The following DMXL1 variants were observed in gnomAD, a reference collection of about 807,000 sequenced individuals.
DMXL1 encodes the protein Dmx like 1.
Under a neutral mutation model 319.2 loss-of-function variants are expected in DMXL1, and 99 were observed. The observed-to-expected ratio is 0.31, with a 90% confidence interval of 0.26 to 0.37. DMXL1 has a LOEUF of 0.37. Among genes scored for constraint, DMXL1 ranks in the 10% least tolerant of loss-of-function variants. The pLI is 1.00. For missense variants in DMXL1, 3,745 were observed against 3,595.6 expected, an observed-to-expected ratio of 1.04 and a Z score of -1.06; for synonymous variants, 1,385 against 1,235.2, an observed-to-expected ratio of 1.12 and a Z score of -2.54.
chr5:119,100,470 C>T (rs1163180316), intron 2 of DMXL1: 3 of 151,714 alleles, frequency 2.0e-5, no homozygotes, highest in African/African-American at 7.2e-5. Context: ...ATGTCATAGG[C>T]ACCTGTATTT....
At chr5:119,177,253 A>G in intron 26 of DMXL1, 104 bp from the exon 27 acceptor site, 1 of 676,658 alleles carries the variant, frequency 1.5e-6, no homozygotes, top group Non-Finnish European at 2.3e-6. Flanking sequence ...ATGTACTAGC[A>G]GTATAATTAA....
intron 25 of DMXL1, among the ~76,000 whole-genome samples, chr5:119,174,013 G>C (rs1042175173): frequency 7.9e-5 from 12 of 151,716 alleles, no homozygotes; most frequent in African/African-American, 2.9e-4. Flanking sequence ...TTTAGTTCAA[G>C]TCTGAAGACA....
chr5:119,156,357 A>G (rs1771057999), intron 19 of DMXL1, among the ~76,000 whole-genome samples: 1 of 152,272 alleles, frequency 6.6e-6, no homozygotes, highest in Admixed American at 6.5e-5. Flanking sequence ...ATGTAACCAT[A>G]GCTTGTATAT....
Position 119,218,556 on chromosome 5 carries a change from A to C in DMXL1, c.8013+1569A>C, listed in dbSNP as rs560021663. 2.6e-5 allele frequency among the ~76,000 whole-genome samples: 4 copies of C among 152,264 alleles called. No individual in the cohort carries two copies. In the South Asian group the frequency reaches 8.3e-4, roughly 32 times the overall value. ...ACTGCAACCTCTGCCTCCCGGGTTC[A>C]AGCGATTCTCCTGCCTCAGCCTCCC... On this transcript the variant is annotated intron_variant, in intron 35 of 43. Coordinates refer to ENST00000539542, the MANE Select transcript of DMXL1 (RefSeq NM_001290321.3).
At chr5:119,166,862 A>T (rs1484891912) in intron 22 of DMXL1, 81 bp downstream of exon 22, 1 of 1,151,216 alleles carries the variant, frequency 8.7e-7, no homozygotes, top group Admixed American at 2.9e-5. Context: ...TATTTTTTTA[A>T]ATTCAACTTT....
chr5:119,120,627 A>G (rs1012637874), intron 8 of DMXL1, among the ~76,000 whole-genome samples: 2 of 152,244 alleles, frequency 1.3e-5, no homozygotes, highest in African/African-American at 4.8e-5. Flanking sequence ...GTGTATGTAG[A>G]GATATCAGTC....
At chr5:119,124,090 C>G (rs900420986) in intron 9 of DMXL1, among the ~76,000 whole-genome samples, 3 of 151,632 alleles carry the variant, frequency 2.0e-5, no homozygotes, top group Non-Finnish European at 4.4e-5. Context: ...AGGCAGATCA[C>G]CTGAGGCCAG....
chr5:119,101,890 G>C (rs559911244), intron 2 of DMXL1, 45 bp from the exon 3 acceptor site: 1 of 1,292,946 alleles, frequency 7.7e-7, no homozygotes, highest in Non-Finnish European at 1.1e-6. Flanking sequence ...TGATTCATAA[G>C]TAAGTTAACA....
At chr5:119,243,017 G>C (rs1020568307) in intron 42 of DMXL1, among the ~76,000 whole-genome samples, 2 of 152,172 alleles carry the variant, frequency 1.3e-5, no homozygotes, top group African/African-American at 4.8e-5. Flanking sequence ...TAATTGGATA[G>C]AAGTCAGAAT....
chr5:119,216,909 A>G lies in DMXL1; in HGVS notation c.7935A>G (p.Ala2645=). 6.3e-7 allele frequency: 1 copy of G among 1,589,252 alleles called. No individual in the cohort carries two copies. Among genetic ancestry groups the G allele is most frequent in the South Asian group, 1.2e-5 (1 of 86,756 alleles). The change falls in exon 35 of 44, where the codon GCA becomes GCG. Residue 2645 remains alanine, a synonymous_variant. Transcript: ENST00000539542. The stretch of plus-strand genomic sequence containing the variant: ...TGTTTCCTTTTATTTAGATAGAAGC[A>G]GATTTGGGATATCCTGGAGGTAAAG... ...MEEPNINKIE[A]DLGYPGGKAR...
intron 9 of DMXL1, among the ~76,000 whole-genome samples, chr5:119,123,384 AGGAGGGAGAGGAGGG>A (rs1324921816): frequency 5.6e-3 from 58 of 10,320 alleles, no homozygotes; most frequent in East Asian, 0.012. Flanking sequence ...GGAGAGGGAG[AGGAGGGAGAGGAGGG>A]GGAGGGAGAG....
rs556805912 is a variant in DMXL1 at position 119,171,152 on chromosome 5, C to G, written c.6361C>G (p.Gln2121Glu). ...GAGAGAAAATTTTCAGGAAAAAAGA[C>G]AGTGGCTCTTGAAGTATCAGTCACT... ...QLRENFQEKR[Q>E]WLLKYQSLLR... Residue 2121 changes from glutamine (Q) to glutamate (E), a missense_variant, in exon 24 of 44, where the codon CAG becomes GAG. By Grantham distance (29) the Gln-to-Glu change is conservative. Coordinates refer to ENST00000539542, the MANE Select transcript of DMXL1 (RefSeq NM_001290321.3). 2 of 1,613,974 alleles carry G rather than the reference C, an allele frequency of 1.2e-6. No individual in the cohort carries two copies. Among genetic ancestry groups the G allele is most frequent in the South Asian group, 2.2e-5 (2 of 91,074 alleles).
rs370343205 is a variant in DMXL1 at position 119,114,532 on chromosome 5, T to A, written c.555T>A (p.Thr185=). 1 of 1,607,518 alleles carries A rather than the reference T, an allele frequency of 6.2e-7. No homozygotes were observed. The highest frequency in any genetic ancestry group is 1.3e-5 in the African/African-American group (1 of 74,730). Residue 185 remains threonine, a synonymous_variant, in exon 6 of 44, where the codon ACT becomes ACA. Transcript: ENST00000539542. ...CACCAGATGGAGAATTTTTTGCCAC[T>A]GCTGGGAAGGTAAATTGTGAAAATG... ...KFSPDGEFFA[T]AGKDDCLLKV... is the part of the protein sequence containing the mutation.
At position 119,148,958 on chromosome 5, in the gene DMXL1, G is replaced by C. The variant is rs367789898; in HGVS notation, c.3131G>C (p.Gly1044Ala). 185 of 1,613,814 alleles carry C rather than the reference G, an allele frequency of 1.1e-4. No homozygotes were observed. The highest frequency in any genetic ancestry group is 1.5e-4 in the Non-Finnish European group (180 of 1,179,856). Residue 1044 changes from glycine (G) to alanine (A), a missense_variant, in exon 18 of 44, where the codon GGT becomes GCT. By Grantham distance (60) the Gly-to-Ala change is moderately conservative. This residue lies in a region of DMXL1 where 2,096 missense variants were observed against 1,985.4 expected (regional missense o/e 1.06). Coordinates refer to ENST00000539542, the MANE Select transcript of DMXL1 (RefSeq NM_001290321.3). Reference sequence around the variant, plus strand: ...AGCAATAGTAGTATAACTGTACCTGGTAGGCCTGTAGAAGTTAGCTGTGCA... The same window carrying C: ...AGCAATAGTAGTATAACTGTACCTGCTAGGCCTGTAGAAGTTAGCTGTGCA... The part of the protein sequence containing the change: ...LQSNSSITVP[G>A]RPVEVSCAHT...
intron 27 of DMXL1, 138 bp from the exon 28 acceptor site, chr5:119,177,858 G>C (rs1466505831): frequency 2.8e-6 from 2 of 711,380 alleles, no homozygotes; most frequent in East Asian, 2.9e-5. Context: ...ACCGCTACTA[G>C]TCTGTGAATC....
chr5:119,181,796 A>C (rs529207662), intron 28 of DMXL1, among the ~76,000 whole-genome samples: 1 of 152,256 alleles, frequency 6.6e-6, no homozygotes, highest in East Asian at 1.9e-4. Context: ...TGGGCGACAG[A>C]GCGAGACTCC....
At position 119,170,746 on chromosome 5, in the gene DMXL1, A is replaced by G. The variant is rs1160496985; in HGVS notation, c.5955A>G (p.Glu1985=). 1.2e-6 allele frequency: 2 copies of G among 1,612,916 alleles called. No individual in the cohort carries two copies. The highest frequency in any genetic ancestry group is 1.7e-6 in the Non-Finnish European group (2 of 1,179,768). The change falls in exon 24 of 44, where the codon GAA becomes GAG. Residue 1985 remains glutamate, a synonymous_variant. Coordinates refer to ENST00000539542, the MANE Select transcript of DMXL1 (RefSeq NM_001290321.3). The part of the protein sequence containing the change: ...ENEDVPISMK[E]LKPLQRKTDK... ...AGGATGTCCCTATTTCAATGAAAGA[A>G]CTAAAACCTTTACAGAGAAAAACAG...
chr5:119,105,741 CA>C (rs1758193312), intron 4 of DMXL1, among the ~76,000 whole-genome samples: 1 of 151,768 alleles, frequency 6.6e-6, no homozygotes, highest in Admixed American at 6.6e-5. Context: ...ACTAAAAATA[CA>C]AAAAATTAGC....
chr5:119,210,420 T>A (rs191977881), intron 34 of DMXL1, among the ~76,000 whole-genome samples: 1 of 152,336 alleles, frequency 6.6e-6, no homozygotes, highest in East Asian at 1.9e-4. Context: ...TACATTTAGG[T>A]CTAATCCATT....
Sources: allele counts gnomAD v4.1 joint callset (sites outside exome capture counted in the v4.1 genomes callset), GRCh38; gene constraint gnomAD v4.1.1; regional missense constraint gnomAD v4.1.1; transcripts MANE v1.5; gene names NCBI Gene and HGNC (gene_info 2026-07-23, HGNC 2026-07-21).